The following DAB1 variants were observed in gnomAD, a reference collection of about 807,000 sequenced individuals.
DAB1 encodes disabled homolog 1.
A neutral mutation model predicts 64.6 loss-of-function variants in DAB1; 15 were observed. The ratio of observed to expected loss-of-function variants is 0.23; its 90% CI spans 0.16 to 0.36. DAB1 has a LOEUF of 0.36. Among genes scored for constraint, DAB1 ranks in the 10% least tolerant of loss-of-function variants. The probability of loss-of-function intolerance (pLI) is 1.00; values close to 1 mark genes in which losing one functional copy is unlikely to be tolerated. For missense variants in DAB1, 596 were observed against 706.7 expected, an observed-to-expected ratio of 0.84 and a Z score of 1.78; for synonymous variants, 235 against 251.9, an observed-to-expected ratio of 0.93 and a Z score of 0.64.
chr1:57,519,552 C>T (rs1002834002), intron 7 of DAB1, among the ~76,000 whole-genome samples: 1 of 152,174 alleles, frequency 6.6e-6, no homozygotes, highest in Non-Finnish European at 1.5e-5. Context: ...ACAGACCCCC[C>T]TGTAACTCCA....
chr1:57,761,538 T>G (rs2101818266), intron 6 of DAB1, among the ~76,000 whole-genome samples: 1 of 152,324 alleles, frequency 6.6e-6, no homozygotes, highest in East Asian at 1.9e-4. Flanking sequence ...AGTCTTCACT[T>G]CTACCCCAAG....
Position 57,017,299 on chromosome 1 carries a change from A to G in DAB1, c.896-1868T>C, listed in dbSNP as rs201324804. On this transcript the variant is annotated intron_variant, in intron 11 of 14. Coordinates refer to ENST00000371236, the MANE Select transcript of DAB1 (RefSeq NM_001365792.1). ...AACTAGCCTTTCCATGGCTGTCAGT[A>G]GGAATGTACCGAGGCAGTGTACCAG... Among the ~76,000 whole-genome samples, 5 of 152,276 alleles carry G rather than the reference A, an allele frequency of 3.3e-5. No individual in the cohort carries two copies. The East Asian group carries it at 5.8e-4, about 18-fold the overall frequency.
At chr1:57,740,890 G>C (rs1224186204) in intron 6 of DAB1, among the ~76,000 whole-genome samples, 1 of 152,158 alleles carries the variant, frequency 6.6e-6, no homozygotes, top group Non-Finnish European at 1.5e-5. Flanking sequence ...TGGAGAAAAT[G>C]GTTAACGACG....
chr1:57,179,066 C>T (rs773266927), intron 2 of DAB1, among the ~76,000 whole-genome samples: 20 of 152,298 alleles, frequency 1.3e-4, no homozygotes, highest in African/African-American at 3.8e-4. Context: ...GGAAATTCAA[C>T]ATGAGAGTCA....
intron 4 of DAB1, among the ~76,000 whole-genome samples, chr1:58,313,351 G>A (rs1329189348): frequency 3.9e-5 from 6 of 152,164 alleles, no homozygotes; most frequent in African/African-American, 1.4e-4. Flanking sequence ...GGGCAAGAGG[G>A]AGGAGTGGTT....
chr1:57,946,526 A>G (rs901024340), intron 5 of DAB1, among the ~76,000 whole-genome samples: 6 of 152,232 alleles, frequency 3.9e-5, no homozygotes, highest in African/African-American at 1.4e-4. Context: ...GGTTGCATCA[A>G]CAGGCTCTTT....
Position 57,237,040 on chromosome 1 carries a change from G to T in DAB1, c.67+53924C>A, listed in dbSNP as rs1277840849. On this transcript the variant is annotated intron_variant, in intron 2 of 14. Coordinates refer to ENST00000371236, the MANE Select transcript of DAB1 (RefSeq NM_001365792.1). ...CTACTACTGCTGTAGCTGCTGTACTGGAGAGAACAGAGCTAAAATTTCCCC... is the reference window on the plus strand; with the variant it reads ...CTACTACTGCTGTAGCTGCTGTACTTGAGAGAACAGAGCTAAAATTTCCCC... Among the ~76,000 whole-genome samples the T allele has an allele frequency of 2.0e-5, 3 of 152,178 alleles. No homozygotes were observed. In the East Asian group the frequency reaches 5.8e-4, roughly 29 times the overall value.
At chr1:58,027,357 C>T (rs1236178557) in intron 5 of DAB1, among the ~76,000 whole-genome samples, 1 of 151,956 alleles carries the variant, frequency 6.6e-6, no homozygotes, top group Non-Finnish European at 1.5e-5. Flanking sequence ...ATGAGCATGC[C>T]CAGCCTTGAT....
At chr1:58,404,845 G>T (rs905153864) in intron 3 of DAB1, among the ~76,000 whole-genome samples, 4 of 152,124 alleles carry the variant, frequency 2.6e-5, no homozygotes, top group African/African-American at 7.2e-5. Flanking sequence ...CAGGGAGGAG[G>T]AGTCCATCCA....
intron 6 of DAB1, among the ~76,000 whole-genome samples, chr1:57,817,288 T>C (rs1651909948): frequency 6.6e-6 from 1 of 152,194 alleles, no homozygotes; most frequent in African/African-American, 2.4e-5. Flanking sequence ...AAAGCATTGG[T>C]AATGTGGAGG....
intron 12 of DAB1, among the ~76,000 whole-genome samples, chr1:57,011,880 A>G (rs1454314393): frequency 6.6e-6 from 1 of 152,236 alleles, no homozygotes; most frequent in Non-Finnish European, 1.5e-5. Flanking sequence ...ATCCTGGCAC[A>G]TAGGAGGTAT....
chr1:58,326,452 A>G (rs1420746396), intron 4 of DAB1, among the ~76,000 whole-genome samples: 1 of 152,174 alleles, frequency 6.6e-6, no homozygotes, highest in Non-Finnish European at 1.5e-5. Flanking sequence ...GTGCAGGAGG[A>G]CTTGAGGAGG....
intron 5 of DAB1, among the ~76,000 whole-genome samples, chr1:58,084,031 GA>G (rs769933665): frequency 3.9e-5 from 6 of 152,182 alleles, no homozygotes; most frequent in Non-Finnish European, 5.9e-5. Flanking sequence ...GGGAAGCAGG[GA>G]AGAAAATGAT....
chr1:58,286,137 C>T (rs1310085541), intron 4 of DAB1, among the ~76,000 whole-genome samples: 6 of 152,156 alleles, frequency 3.9e-5, no homozygotes, highest in Non-Finnish European at 8.8e-5. Context: ...AACTGAACTC[C>T]TGCCTTACAC....
intron 1 of DAB1, among the ~76,000 whole-genome samples, chr1:58,534,857 G>C (rs1177922094): frequency 6.6e-6 from 1 of 152,144 alleles, no homozygotes; most frequent in East Asian, 1.9e-4. Context: ...GATCGCTTGA[G>C]TCTAGGAGGT....
At chr1:57,856,809 T>C (rs72918538) in intron 1 of DAB1, among the ~76,000 whole-genome samples, 3,214 of 152,180 alleles carry the variant, frequency 0.021, 136 homozygotes, top group African/African-American at 0.074. Context: ...GTAATGATTA[T>C]ACCTCTAACA....
At chr1:58,082,573 G>A (rs1425324416) in intron 5 of DAB1, among the ~76,000 whole-genome samples, 1 of 152,166 alleles carries the variant, frequency 6.6e-6, no homozygotes, top group Non-Finnish European at 1.5e-5. Flanking sequence ...GAAGATAGGG[G>A]TGGAAGAAAA....
At chr1:58,312,908 T>C (rs554506863) in intron 4 of DAB1, among the ~76,000 whole-genome samples, 1 of 152,222 alleles carries the variant, frequency 6.6e-6, no homozygotes, top group African/African-American at 2.4e-5. Context: ...AGTTCACAAC[T>C]TAAAATAAAA....
intron 1 of DAB1, among the ~76,000 whole-genome samples, chr1:58,532,010 T>C (rs563923115): frequency 3.0e-4 from 46 of 152,164 alleles, no homozygotes; most frequent in African/African-American, 1.1e-3. Flanking sequence ...CCCAGCCCAA[T>C]TATGAAATTA....
Sources: gnomAD v4.1 joint callset for allele counts (sites outside exome capture counted in the v4.1 genomes callset) on GRCh38, gnomAD v4.1.1 for gene constraint, MANE v1.5 for transcripts, NCBI Gene and HGNC (gene_info 2026-07-23, HGNC 2026-07-21) for gene names.